VARS1: variants seen among roughly 807,000 people sequenced by gnomAD.
The protein encoded by VARS1 is valine--tRNA ligase.
In VARS1, 92 loss-of-function variants were observed where a neutral mutation model predicts 161.0. That is an observed-to-expected ratio of 0.57 (90% CI 0.48 to 0.68). VARS1 has a LOEUF of 0.68. Ranked by LOEUF, VARS1 falls within the 30% of genes least tolerant of loss-of-function variation. VARS1 has a pLI of 0.00. For synonymous variants in VARS1, 595 were observed against 682.5 expected, an observed-to-expected ratio of 0.87 and a Z score of 2.00; for missense variants, 1,338 against 1,695.9, an observed-to-expected ratio of 0.79 and a Z score of 3.71.
chr6:31,779,416 G>A lies in VARS1; in HGVS notation c.3400+9C>T. ...TGGGATGGGGCGGACATGGGGGCCT[G>A]AGGCTCACAGTCAGGCCGGATCCGG... On this transcript the variant is annotated intron_variant, in intron 28 of 29. Transcript: ENST00000375663. This position sits in a 1 kb window ranked among gnomAD's most constrained non-coding sequence, Gnocchi z 9.1. 3 of 1,610,612 alleles carry A rather than the reference G, an allele frequency of 1.9e-6. No individual in the cohort carries two copies. Among genetic ancestry groups the A allele is most frequent in the Non-Finnish European group, 2.5e-6 (3 of 1,179,918 alleles).
At position 31,779,020 on chromosome 6, in the gene VARS1, A is replaced by G. The variant is rs1170804825; in HGVS notation, c.3673T>C (p.Ser1225Pro). 2 of 1,613,010 alleles carry G rather than the reference A, an allele frequency of 1.2e-6. No individual in the cohort carries two copies. Among genetic ancestry groups the G allele is most frequent in the South Asian group, 1.1e-5 (1 of 91,082 alleles). ...AQRLRERRAASGYPVKVPLEV... is the reference protein window; with the variant it reads ...AQRLRERRAAPGYPVKVPLEV... Reference sequence around the variant, plus strand: ...AGCGGCACCTTGACAGGATAGCCCGAGGCAGCACGGCGTTCCCGCAGACGC... The same window carrying G: ...AGCGGCACCTTGACAGGATAGCCCGGGGCAGCACGGCGTTCCCGCAGACGC... The change falls in exon 29 of 30, where the codon TCG (serine) becomes CCG (proline). Residue 1225 changes from serine to proline, a missense_variant. Ser to Pro is a moderately conservative substitution (Grantham distance 74). This residue lies in a region of VARS1 where 433 missense variants were observed against 586.2 expected (regional missense o/e 0.74). Coordinates refer to ENST00000375663, the MANE Select transcript of VARS1 (RefSeq NM_006295.3). This position sits in a 1 kb window ranked among gnomAD's most constrained non-coding sequence, Gnocchi z 9.1.
Position 31,780,172 on chromosome 6 carries a change from A to G in VARS1, c.2926-19T>C. 6.2e-7 allele frequency: 1 copy of G among 1,612,068 alleles called. No homozygotes were observed. The highest frequency in any genetic ancestry group is 8.5e-7 in the Non-Finnish European group (1 of 1,179,702). ...CTCCGGGCTTGGGGAGAGAGGGTGT[A>G]TCAGCCGGCGGGCCAGGGGAGGGTG... On this transcript the variant is annotated intron_variant, in intron 25 of 29. Transcript: ENST00000375663. The surrounding 1 kb of genome is among the most constrained non-coding windows in gnomAD (Gnocchi z 5.1).
chr6:31,785,626 C>G lies in VARS1; in HGVS notation c.1208G>C (p.Ser403Thr), dbSNP rs960290066. The change falls in exon 9 of 30, where the codon AGC (serine) becomes ACC (threonine). Residue 403 changes from serine to threonine, a missense_variant. Coordinates refer to ENST00000375663, the MANE Select transcript of VARS1 (RefSeq NM_006295.3). The surrounding 1 kb of genome is among the most constrained non-coding windows in gnomAD (Gnocchi z 6.1). ...EKKLWREQGL[S>T]RHQLGREAFL... is the part of the protein sequence containing the mutation. The stretch of plus-strand genomic sequence containing the variant: ...GGCCTCGCGGCCCAGCTGGTGCCGG[C>G]TCAGTCCCTGCTCACGCCATAGCTT... 1 of 1,612,986 alleles carries G rather than the reference C, an allele frequency of 6.2e-7. No individual in the cohort carries two copies. Among genetic ancestry groups the G allele is most frequent in the Non-Finnish European group, 8.5e-7 (1 of 1,180,010 alleles).
Position 31,778,008 on chromosome 6 carries a change from C to G in VARS1, c.3727-346G>C. ...ATGATGATGATGATATTGCCCCCCT[C>G]CCAGGGCTCTTGGGAGAACCAAGTG... On this transcript the variant is annotated intron_variant, in intron 29 of 29. Coordinates refer to ENST00000375663, the MANE Select transcript of VARS1 (RefSeq NM_006295.3). The surrounding 1 kb of genome is among the most constrained non-coding windows in gnomAD (Gnocchi z 5.1). 1 of 389,450 alleles carries G rather than the reference C, an allele frequency of 2.6e-6. No homozygotes were observed. Among genetic ancestry groups the G allele is most frequent in the Non-Finnish European group, 4.7e-6 (1 of 211,482 alleles). The allele number at this position is 389,450 out of a possible 1,614,324, so 24.1% of individuals were successfully genotyped here. A position where few individuals can be genotyped will look rare whatever the true frequency, so the allele number is the denominator to read the frequency against.
At chr6:31,794,764 T>C (rs1201821825) in intron 2 of VARS1, 67 bp downstream of exon 2, 3 of 1,492,598 alleles carry the variant, frequency 2.0e-6, no homozygotes, top group Non-Finnish European at 2.7e-6. Context: ...TGTCTCATTG[T>C]CCATTCCAGT....
chr6:31,792,379 AC>A lies in VARS1; in HGVS notation c.786+12del. 9 of 1,613,116 alleles carry A rather than the reference AC, an allele frequency of 5.6e-6. No individual in the cohort carries two copies. The highest frequency in any genetic ancestry group is 7.6e-6 in the Non-Finnish European group (9 of 1,179,796). On this transcript the variant is annotated intron_variant, in intron 5 of 29. Transcript: ENST00000375663. The stretch of plus-strand genomic sequence containing the variant: ...ACACATCAACTTTCCTTCCAGCTCC[AC>A]CCTCGCCTCACCTCCCCTGGAGGTG...
At chr6:31,789,592 T>A (rs1383259512) in intron 8 of VARS1, among the ~76,000 whole-genome samples, 1 of 152,158 alleles carries the variant, frequency 6.6e-6, no homozygotes. Flanking sequence ...CCTGCCGACC[T>A]AGCAGTTTCA....
chr6:31,792,704 G>T, intron 4 of VARS1, 53 bp downstream of exon 4: 3 of 1,605,700 alleles, frequency 1.9e-6, no homozygotes, highest in Non-Finnish European at 2.6e-6. Context: ...AAAGTGAGTT[G>T]CATGGAAGGC....
chr6:31,792,560 C>A, intron 4 of VARS1, 44 bp from the exon 5 acceptor site: 1 of 1,613,006 alleles, frequency 6.2e-7, no homozygotes, highest in South Asian at 1.1e-5. Flanking sequence ...GCTGGGGACC[C>A]TCTTGGACGG....
rs1008484574 is a variant in VARS1 at position 31,781,422 on chromosome 6, G to A, written c.2544+59C>T. On this transcript the variant is annotated intron_variant, in intron 21 of 29. Transcript: ENST00000375663. The surrounding 1 kb of genome is among the most constrained non-coding windows in gnomAD (Gnocchi z 6.8). ...CCAGCCACGCGGGGTCTGCGCTGCA[G>A]CACAGGACGGTAGGAGAGGAGGCTG... The A allele has an allele frequency of 4.4e-6, 7 of 1,594,364 alleles. No individual in the cohort carries two copies. In the African/African-American group the frequency reaches 9.4e-5, roughly 21 times the overall value.
Position 31,777,621 on chromosome 6 carries a change from G to A in VARS1, c.3768C>T (p.Ala1256=). The A allele has an allele frequency of 6.2e-7, 1 of 1,614,060 alleles. No individual in the cohort carries two copies. The highest frequency in any genetic ancestry group is 8.5e-7 in the Non-Finnish European group (1 of 1,179,994). ...ACAGCATCTTCTGGAATAGGGCGAT[G>A]GCCTCATCCACCTTCCTGAGCTCTG... ...TEAELRKVDE[A]IALFQKML Residue 1256 remains alanine (A), a synonymous_variant, in exon 30 of 30, where the codon GCC becomes GCT. Coordinates refer to ENST00000375663, the MANE Select transcript of VARS1 (RefSeq NM_006295.3). This position sits in a 1 kb window ranked among gnomAD's most constrained non-coding sequence, Gnocchi z 5.8.
chr6:31,779,554 G>T lies in VARS1; in HGVS notation c.3289-18C>A, dbSNP rs913727973. 2.5e-6 allele frequency: 4 copies of T among 1,612,070 alleles called. No homozygotes were observed. The highest frequency in any genetic ancestry group is 3.4e-6 in the Non-Finnish European group (4 of 1,179,550). The stretch of plus-strand genomic sequence containing the variant: ...CAGGAGCACTGTGGGGTGGAGGAGG[G>T]GGTGAGGGGGCCTGGAGGGCAGGTC... On this transcript the variant is annotated intron_variant, in intron 27 of 29. Transcript: ENST00000375663. The surrounding 1 kb of genome is among the most constrained non-coding windows in gnomAD (Gnocchi z 9.1).
Position 31,781,033 on chromosome 6 carries a change from C to T in VARS1, c.2635G>A (p.Gly879Arg). The T allele has an allele frequency of 6.2e-7, 1 of 1,614,090 alleles. No individual in the cohort carries two copies. The highest frequency in any genetic ancestry group is 8.5e-7 in the Non-Finnish European group (1 of 1,180,034). Reference protein sequence around the residue: ...NVIDPLDVIYGISLQGLHNQL... With the variant: ...NVIDPLDVIYRISLQGLHNQL... ...ACCCAGCCCACCTGCAGGGAGATTC[C>T]ATAGATGACGTCCAGGGGATCGATG... is the stretch of plus-strand genomic sequence containing the variant. Residue 879 changes from glycine to arginine, a missense_variant, in exon 22 of 30, where the codon GGA (glycine) becomes AGA (arginine). By Grantham distance (125) the Gly-to-Arg change is moderately radical. Transcript: ENST00000375663. This position sits in a 1 kb window ranked among gnomAD's most constrained non-coding sequence, Gnocchi z 6.8.
At chr6:31,792,125 CCAAA>C (rs1333089085) in intron 6 of VARS1, 88 bp downstream of exon 6, 37 of 1,534,958 alleles carry the variant, frequency 2.4e-5, no homozygotes, top group Admixed American at 3.6e-5. Context: ...CAATTCCTCA[CCAAA>C]CAAAGTGGTG....
chr6:31,782,238 C>T lies in VARS1; in HGVS notation c.2150+47G>A. The T allele has an allele frequency of 6.2e-7, 1 of 1,610,526 alleles. No individual in the cohort carries two copies. The highest frequency in any genetic ancestry group is 8.5e-7 in the Non-Finnish European group (1 of 1,178,008). The stretch of plus-strand genomic sequence containing the variant: ...TGATGGAGCCTGGCCCGAGTGAGCC[C>T]TGCTCAGCCCTCGGCAAGCCCCTCC... On this transcript the variant is annotated intron_variant, in intron 17 of 29. Coordinates refer to ENST00000375663, the MANE Select transcript of VARS1 (RefSeq NM_006295.3). This position sits in a 1 kb window ranked among gnomAD's most constrained non-coding sequence, Gnocchi z 8.3.
At position 31,781,365 on chromosome 6, in the gene VARS1, G is replaced by A. The variant is rs915652; in HGVS notation, c.2544+116C>T. The stretch of plus-strand genomic sequence containing the variant: ...GGATTTCAACCCCACACCAGCCCCC[G>A]GGTCAGGCCTGCCCACAGCTAACCC... On this transcript the variant is annotated intron_variant, in intron 21 of 29. Transcript: ENST00000375663. The surrounding 1 kb of genome is among the most constrained non-coding windows in gnomAD (Gnocchi z 6.8). The A allele has an allele frequency of 0.1, 146,906 of 1,459,888 alleles. 9,493 individuals are homozygous for A. Among genetic ancestry groups the A allele is most frequent in the Non-Finnish European group, 0.12 (134,796 of 1,093,812 alleles). The allele number at this position is 1,459,888 out of a possible 1,614,324, so 90.4% of individuals were successfully genotyped here. A position where few individuals can be genotyped will look rare whatever the true frequency, so the allele number is the denominator to read the frequency against.
In VARS1 at chr6:31,780,398, C is replaced by A; in HGVS notation, c.2925+43G>T. On this transcript the variant is annotated intron_variant, in intron 25 of 29. Transcript: ENST00000375663. This position sits in a 1 kb window ranked among gnomAD's most constrained non-coding sequence, Gnocchi z 5.1. Reference sequence around the variant, plus strand: ...GAGGCTGCTCCGGACAGGGGTACAGCCTGTGTGAGTGCTGCCAGCTTTGCT... The same window carrying A: ...GAGGCTGCTCCGGACAGGGGTACAGACTGTGTGAGTGCTGCCAGCTTTGCT... 6.3e-7 allele frequency: 1 copy of A among 1,598,054 alleles called. No homozygotes were observed. Among genetic ancestry groups the A allele is most frequent in the Non-Finnish European group, 8.5e-7 (1 of 1,172,104 alleles).
Position 31,794,053 on chromosome 6 carries a change from C to T in VARS1, c.387+778G>A, listed in dbSNP as rs376653593. Among the ~76,000 whole-genome samples the T allele has an allele frequency of 3.3e-4, 47 of 140,650 alleles. No individual in the cohort carries two copies. In the East Asian group the frequency reaches 4.7e-3, roughly 14 times the overall value. The allele number at this position is 140,650 out of a possible 152,430, so 92.3% of individuals were successfully genotyped here. ...GTGAGCTGAGATCGCACCATCGCAC[C>T]GTGGCACTCCAGCCTGGGCAACAGA... On this transcript the variant is annotated intron_variant, in intron 2 of 29. Transcript: ENST00000375663.
At chr6:31,786,431 C>T (rs950747648) in intron 8 of VARS1, among the ~76,000 whole-genome samples, 3 of 152,030 alleles carry the variant, frequency 2.0e-5, no homozygotes, top group African/African-American at 7.2e-5. Flanking sequence ...CTTTGGGAGG[C>T]CAAGGCGAGT....
Sources: allele counts gnomAD v4.1 joint callset (sites outside exome capture counted in the v4.1 genomes callset), GRCh38; gene constraint gnomAD v4.1.1; regional missense constraint gnomAD v4.1.1; non-coding constraint Gnocchi (gnomAD v3.1); transcripts MANE v1.5; gene names NCBI Gene and HGNC (gene_info 2026-07-23, HGNC 2026-07-21).